Variants in NCKAP5 observed in about 807,000 individuals in gnomAD.
NCKAP5 encodes the protein NCK associated protein 5.
NCKAP5 carries 92 observed loss-of-function variants against 167.0 expected under a neutral mutation model. That is an observed-to-expected ratio of 0.55 (90% confidence interval 0.47 to 0.66). The LOEUF is 0.66. NCKAP5 is among the 30% of genes least tolerant of loss of function. The probability of loss-of-function intolerance (pLI) is 0.00; values close to 1 mark genes in which losing one functional copy is unlikely to be tolerated. For synonymous variants in NCKAP5, 891 were observed against 877.4 expected, an observed-to-expected ratio of 1.02 and a Z score of -0.27; for missense variants, 2,378 against 2,315.0, an observed-to-expected ratio of 1.03 and a Z score of -0.56.
chr2:133,552,770 A>G (rs984782667), intron 2 of NCKAP5, among the ~76,000 whole-genome samples: 1 of 152,086 alleles, frequency 6.6e-6, no homozygotes, highest in Non-Finnish European at 1.5e-5. Flanking sequence ...AAGAAAAAAA[A>G]AAGATTGAGA....
At chr2:133,598,863 T>C in the NCKAP5 span, among the ~76,000 whole-genome samples, 7 of 152,214 alleles carry the variant, frequency 4.6e-5, no homozygotes, top group Non-Finnish European at 1.0e-4. Context: ...CAAGGTGTCA[T>C]GCTCCTACTG....
intron 16 of NCKAP5, among the ~76,000 whole-genome samples, chr2:132,741,587 A>T (rs1049424622): frequency 6.6e-6 from 1 of 152,078 alleles, no homozygotes; most frequent in African/African-American, 2.4e-5. Context: ...ACTCCTCACA[A>T]AGCAATGATT....
At position 132,682,887 on chromosome 2, in the gene NCKAP5, CT is replaced by C. The variant is rs201009406; in HGVS notation, c.5714-9583del. ...TTAAATCAGAATTTCTTTCTTTTTA[CT>C]TTTTTTTTTTTTTTGAGACAGAGTC... On this transcript the variant is annotated intron_variant, in intron 19 of 19. Coordinates refer to ENST00000409261, the MANE Select transcript of NCKAP5 (RefSeq NM_207363.3). Among the ~76,000 whole-genome samples, 381 of 141,476 alleles carry C rather than the reference CT, an allele frequency of 2.7e-3. 1 individual carries two copies. Among genetic ancestry groups the C allele is most frequent in the Admixed American group, 4.5e-3 (63 of 14,070 alleles). 92.8% of individuals were successfully genotyped at this position (141,476 alleles called of 152,430 possible).
At chr2:133,238,758 G>A (rs2087541158) in intron 4 of NCKAP5, among the ~76,000 whole-genome samples, 1 of 152,160 alleles carries the variant, frequency 6.6e-6, no homozygotes, top group African/African-American at 2.4e-5. Flanking sequence ...ATGTTCCACA[G>A]GTAGGTTTGA....
chr2:133,098,823 G>A (rs914405579), intron 6 of NCKAP5, among the ~76,000 whole-genome samples: 9 of 152,136 alleles, frequency 5.9e-5, no homozygotes, highest in African/African-American at 2.2e-4. Context: ...TTTTAGAGAA[G>A]TACATGCTTA....
chr2:133,097,195 C>T (rs1354691079), intron 6 of NCKAP5, among the ~76,000 whole-genome samples: 4 of 152,146 alleles, frequency 2.6e-5, no homozygotes, highest in Non-Finnish European at 5.9e-5. Flanking sequence ...GAGCAGCTGC[C>T]TTGGACTCCG....
intron 3 of NCKAP5, among the ~76,000 whole-genome samples, chr2:133,365,390 C>T (rs1048291590): frequency 3.3e-5 from 5 of 152,140 alleles, no homozygotes; most frequent in African/African-American, 1.2e-4. Context: ...CAGCTTGAAT[C>T]ATGCTCCAAA....
chr2:132,723,454 G>A (rs1026830453), intron 19 of NCKAP5, among the ~76,000 whole-genome samples: 1 of 152,048 alleles, frequency 6.6e-6, no homozygotes, highest in Non-Finnish European at 1.5e-5. Flanking sequence ...GAGCCACCGC[G>A]CCCGGCCATT....
Position 132,895,245 on chromosome 2 carries a change from A to G in NCKAP5, c.580-16329T>C, listed in dbSNP as rs192192750. ...ACTCTGGAGGCTGAGGCAGGAGAAT[A>G]GCGTGAACCCGGGAGGCGGAGTTTG... On this transcript the variant is annotated intron_variant, in intron 8 of 19. Transcript: ENST00000409261. Among the ~76,000 whole-genome samples, 1,322 of 150,862 alleles carry G rather than the reference A, an allele frequency of 8.8e-3. 14 individuals are homozygous for G. The highest frequency in any genetic ancestry group is 0.03 in the African/African-American group (1,229 of 41,154).
intron 4 of NCKAP5, among the ~76,000 whole-genome samples, chr2:133,293,627 A>G (rs1054706760): frequency 6.6e-6 from 1 of 152,210 alleles, no homozygotes; most frequent in Non-Finnish European, 1.5e-5. Context: ...GCAGTCTATA[A>G]TAAGTATCCT....
intron 8 of NCKAP5, among the ~76,000 whole-genome samples, chr2:132,883,205 TAC>T (rs3044408): frequency 0.13 from 18,479 of 139,154 alleles, 2,608 homozygotes; most frequent in African/African-American, 0.37. Flanking sequence ...CTGACTCAAA[TAC>T]ACACACACAC....
chr2:133,350,701 G>A (rs1266460755), intron 3 of NCKAP5, among the ~76,000 whole-genome samples: 1 of 151,838 alleles, frequency 6.6e-6, no homozygotes, highest in East Asian at 1.9e-4. Context: ...GGATGGTCTG[G>A]TCCTGCCTAC....
chr2:133,163,085 A>C (rs2083864534), intron 5 of NCKAP5, among the ~76,000 whole-genome samples: 1 of 152,070 alleles, frequency 6.6e-6, no homozygotes, highest in Non-Finnish European at 1.5e-5. Flanking sequence ...ACATTTAAAA[A>C]GATGAAAGAT....
At chr2:132,756,101 A>G (rs1680531902) in intron 16 of NCKAP5, among the ~76,000 whole-genome samples, 1 of 152,084 alleles carries the variant, frequency 6.6e-6, no homozygotes. Flanking sequence ...CTGTGTGACC[A>G]TAGCACCCAG....
At chr2:133,052,774 T>G (rs2079651044) in intron 6 of NCKAP5, among the ~76,000 whole-genome samples, 1 of 151,450 alleles carries the variant, frequency 6.6e-6, no homozygotes, top group African/African-American at 2.4e-5. Flanking sequence ...AATCTCAGTA[T>G]GAAAAAGGTC....
intron 19 of NCKAP5, among the ~76,000 whole-genome samples, chr2:132,686,055 C>A (rs1685895390): frequency 6.6e-6 from 1 of 152,010 alleles, no homozygotes; most frequent in Non-Finnish European, 1.5e-5. Context: ...TGGGCTGAAC[C>A]AAGTAGTACC....
chr2:133,065,233 A>G (rs1358162530), intron 6 of NCKAP5, among the ~76,000 whole-genome samples: 1 of 152,216 alleles, frequency 6.6e-6, no homozygotes, highest in Non-Finnish European at 1.5e-5. Flanking sequence ...AAAAACGACG[A>G]CAACTATGAT....
At chr2:133,445,909 G>A (rs1046480026) in intron 3 of NCKAP5, among the ~76,000 whole-genome samples, 1 of 152,196 alleles carries the variant, frequency 6.6e-6, no homozygotes, top group Non-Finnish European at 1.5e-5. Context: ...AGACCTTATT[G>A]CTGGACCAAG....
chr2:133,385,701 A>G (rs578201104), intron 3 of NCKAP5, among the ~76,000 whole-genome samples: 73 of 152,218 alleles, frequency 4.8e-4, no homozygotes, highest in African/African-American at 1.7e-3. Flanking sequence ...TTGGTAAGCT[A>G]TTAATTATTG....
Sources: allele counts gnomAD v4.1 joint callset (sites outside exome capture counted in the v4.1 genomes callset), GRCh38; gene constraint gnomAD v4.1.1; transcripts MANE v1.5; gene names NCBI Gene and HGNC (gene_info 2026-07-23, HGNC 2026-07-21).